SLC10A7: variants seen among roughly 807,000 people sequenced by gnomAD.
SLC10A7 encodes the protein sodium/bile acid cotransporter 7.
SLC10A7 carries 29 observed loss-of-function variants against 43.2 expected under a neutral mutation model. The observed-to-expected ratio is 0.67, with a 90% CI of 0.50 to 0.92. The LOEUF is 0.92. SLC10A7 is among the 40% of genes least tolerant of loss of function. SLC10A7 has a pLI of 0.00. For synonymous variants in SLC10A7, 152 were observed against 144.8 expected, an observed-to-expected ratio of 1.05 and a Z score of -0.35; for missense variants, 295 against 403.2, an observed-to-expected ratio of 0.73 and a Z score of 2.30.
chr4:146,504,272 C>T (rs1384151072), intron 3 of SLC10A7, among the ~76,000 whole-genome samples: 1 of 152,126 alleles, frequency 6.6e-6, no homozygotes, highest in Admixed American at 6.5e-5. Context: ...GTAATCCCAG[C>T]ACTTTGGGAG....
chr4:146,265,987 T>G (rs1205438263), intron 10 of SLC10A7, among the ~76,000 whole-genome samples: 1 of 152,244 alleles, frequency 6.6e-6, no homozygotes, highest in East Asian at 1.9e-4. Flanking sequence ...GATAGTATAC[T>G]CCAATCACCT....
intron 5 of SLC10A7, among the ~76,000 whole-genome samples, chr4:146,361,336 A>G (rs1736034831): frequency 6.6e-6 from 1 of 152,236 alleles, no homozygotes; most frequent in African/African-American, 2.4e-5. Context: ...AAAATGCAAA[A>G]TAAACCATCA....
intron 5 of SLC10A7, among the ~76,000 whole-genome samples, chr4:146,417,516 T>C (rs1003530026): frequency 2.0e-5 from 3 of 152,200 alleles, no homozygotes; most frequent in Admixed American, 6.5e-5. Flanking sequence ...TGAAGCTGTA[T>C]ACATCCTTAA....
intron 5 of SLC10A7, among the ~76,000 whole-genome samples, chr4:146,378,683 C>G (rs1737382125): frequency 6.6e-6 from 1 of 152,130 alleles, no homozygotes; most frequent in African/African-American, 2.4e-5. Context: ...GCTTAGTCAA[C>G]TCTGGAGAAT....
intron 9 of SLC10A7, among the ~76,000 whole-genome samples, chr4:146,292,453 G>A (rs150534573): frequency 2.6e-4 from 39 of 152,310 alleles, no homozygotes; most frequent in Non-Finnish European, 4.9e-4. Context: ...ATTCCAGCTT[G>A]AGTAACTTTG....
At chr4:146,285,498 C>G (rs1436406695) in intron 9 of SLC10A7, among the ~76,000 whole-genome samples, 1 of 152,122 alleles carries the variant, frequency 6.6e-6, no homozygotes, top group Non-Finnish European at 1.5e-5. Flanking sequence ...AGTATAAGAC[C>G]TTCTGACTCT....
intron 5 of SLC10A7, among the ~76,000 whole-genome samples, chr4:146,359,948 ACT>A (rs1735926806): frequency 6.6e-6 from 1 of 152,130 alleles, no homozygotes; most frequent in African/African-American, 2.4e-5. Context: ...CCCACTCTGC[ACT>A]GACTACCTAG....
At chr4:146,483,669 T>C (rs1174826434) in intron 4 of SLC10A7, among the ~76,000 whole-genome samples, 1 of 151,614 alleles carries the variant, frequency 6.6e-6, no homozygotes, top group African/African-American at 2.4e-5. Context: ...AAAAAAGACA[T>C]AGAGAGGATG....
rs74476605 is a variant in SLC10A7, at chr4:146,473,442, G to C, written c.396+30407C>G. On this transcript the variant is annotated intron_variant, in intron 4 of 11. Transcript: ENST00000335472. Reference sequence around the variant, plus strand: ...TATATCAAGTAAGGAAAAGCTGAAGGGTATATTCCACTGAAAATTTCTATT... The same window carrying C: ...TATATCAAGTAAGGAAAAGCTGAAGCGTATATTCCACTGAAAATTTCTATT... Among the ~76,000 whole-genome samples the C allele has an allele frequency of 6.9e-3, 1,052 of 152,052 alleles. 10 individuals carry two copies. The highest frequency in any genetic ancestry group is 0.024 in the African/African-American group (1,005 of 41,464).
chr4:146,467,330 C>T (rs1373144221), intron 4 of SLC10A7, among the ~76,000 whole-genome samples: 1 of 151,994 alleles, frequency 6.6e-6, no homozygotes, highest in Non-Finnish European at 1.5e-5. Flanking sequence ...TTCTACACAA[C>T]TTTTGCTGCT....
At chr4:146,335,755 G>A (rs10012377) in intron 5 of SLC10A7, among the ~76,000 whole-genome samples, 144,520 of 152,186 alleles carry the variant, frequency 0.95, 68,719 homozygotes, top group East Asian at 1. Flanking sequence ...TCTCTCCAAG[G>A]TGACATTGAT....
intron 6 of SLC10A7, among the ~76,000 whole-genome samples, chr4:146,325,622 T>C (rs1733049438): frequency 6.6e-6 from 1 of 152,148 alleles, no homozygotes; most frequent in Non-Finnish European, 1.5e-5. Flanking sequence ...TTAAACACTA[T>C]CAAACACTGG....
At chr4:146,310,319 T>G (rs940346233) in intron 6 of SLC10A7, among the ~76,000 whole-genome samples, 1 of 152,184 alleles carries the variant, frequency 6.6e-6, no homozygotes, top group African/African-American at 2.4e-5. Context: ...AATGATTTAT[T>G]TTCTTTTGGA....
intron 5 of SLC10A7, among the ~76,000 whole-genome samples, chr4:146,432,725 T>C (rs997747009): frequency 3.9e-5 from 6 of 152,150 alleles, no homozygotes; most frequent in African/African-American, 9.7e-5. Context: ...CTGAAATGCA[T>C]AGATTTTTCT....
At chr4:146,433,014 G>C (rs1472818647) in intron 5 of SLC10A7, among the ~76,000 whole-genome samples, 1 of 149,772 alleles carries the variant, frequency 6.7e-6, no homozygotes, top group Non-Finnish European at 1.5e-5. Context: ...CTCCAGCGTG[G>C]GTGACAGAGC....
chr4:146,403,673 C>T (rs771482459), intron 5 of SLC10A7, among the ~76,000 whole-genome samples: 2 of 151,954 alleles, frequency 1.3e-5, no homozygotes, highest in Non-Finnish European at 2.9e-5. Context: ...GGAACTGATC[C>T]AAAAAGAGCA....
chr4:146,514,113 T>C (rs1003884200), intron 2 of SLC10A7: 1 of 152,240 alleles, frequency 6.6e-6, no homozygotes, highest in Non-Finnish European at 1.5e-5. Flanking sequence ...CTCATTCATT[T>C]GCTGAGAGTC....
At chr4:146,461,822 G>GTT (rs1344667756) in intron 4 of SLC10A7, among the ~76,000 whole-genome samples, 1 of 98,682 alleles carries the variant, frequency 1.0e-5, no homozygotes, top group Non-Finnish European at 2.0e-5. Flanking sequence ...GAGTGACCAG[G>GTT]CTTTTTTTTT....
At chr4:146,435,803 G>A (rs903924180) in intron 5 of SLC10A7, among the ~76,000 whole-genome samples, 1 of 152,106 alleles carries the variant, frequency 6.6e-6, no homozygotes, top group East Asian at 1.9e-4. Context: ...CAACTGCTAG[G>A]ATCATCTTTC....
Sources: allele counts gnomAD v4.1 joint callset (sites outside exome capture counted in the v4.1 genomes callset), GRCh38; gene constraint gnomAD v4.1.1; transcripts MANE v1.5; gene names NCBI Gene and HGNC (gene_info 2026-07-23, HGNC 2026-07-21).